Variants in ODAD2 observed in about 807,000 individuals in gnomAD.
ODAD2 encodes the protein outer dynein arm docking complex subunit 2.
Under a neutral mutation model 106.8 loss-of-function variants are expected in ODAD2, and 89 were observed. That is an observed-to-expected ratio of 0.83 (90% confidence interval 0.70 to 0.99). ODAD2 has a LOEUF of 0.99. Among genes scored for constraint, ODAD2 ranks in the 50% least tolerant of loss-of-function variants. The probability of loss-of-function intolerance (pLI) is 0.00; values close to 1 mark genes in which losing one functional copy is unlikely to be tolerated. For missense variants in ODAD2, 1,168 were observed against 1,238.5 expected (o/e 0.94, Z 0.85); for synonymous variants, 404 against 436.2 (o/e 0.93, Z 0.92).
chr10:27,865,581 T>C (rs1000964581), intron 17 of ODAD2, among the ~76,000 whole-genome samples: 5 of 152,194 alleles, frequency 3.3e-5, no homozygotes, highest in African/African-American at 1.2e-4. Flanking sequence ...AGTTGTGGTT[T>C]CTTTGTTTGT....
chr10:27,972,306 T>C (rs1214256688), intron 7 of ODAD2, among the ~76,000 whole-genome samples: 1 of 152,014 alleles, frequency 6.6e-6, no homozygotes, highest in African/African-American at 2.4e-5. Context: ...ACCAATAGCA[T>C]AAATAAAATG....
chr10:27,875,063 CT>C (rs1841221899), intron 17 of ODAD2, among the ~76,000 whole-genome samples: 1 of 152,080 alleles, frequency 6.6e-6, no homozygotes, highest in African/African-American at 2.4e-5. Context: ...TCTTTTTATT[CT>C]TTTTTCTCTA....
intron 17 of ODAD2, among the ~76,000 whole-genome samples, chr10:27,885,656 A>AAAAT (rs1554800209): frequency 9.4e-5 from 2 of 21,304 alleles, no homozygotes; most frequent in Non-Finnish European, 1.1e-4. Flanking sequence ...TATTATATAT[A>AAAAT]ATATATTATA....
chr10:27,848,905 C>T (rs552434465), intron 19 of ODAD2, among the ~76,000 whole-genome samples: 18 of 151,864 alleles, frequency 1.2e-4, no homozygotes, highest in African/African-American at 1.5e-4. Flanking sequence ...GGAAACAACA[C>T]GTGCTGGAGA....
At chr10:27,964,390 C>T (rs527977651) in intron 9 of ODAD2, among the ~76,000 whole-genome samples, 2 of 152,020 alleles carry the variant, frequency 1.3e-5, no homozygotes, top group Non-Finnish European at 2.9e-5. Context: ...ATGATAATAG[C>T]AATTAGTATG....
intron 16 of ODAD2, among the ~76,000 whole-genome samples, chr10:27,923,624 A>C (rs966720917): frequency 2.6e-5 from 4 of 152,102 alleles, no homozygotes; most frequent in African/African-American, 7.2e-5. Flanking sequence ...TAGAGAATAC[A>C]CATCAAACTC....
At chr10:27,843,503 C>A (rs769582792) in intron 19 of ODAD2, among the ~76,000 whole-genome samples, 2 of 152,154 alleles carry the variant, frequency 1.3e-5, no homozygotes, top group African/African-American at 4.8e-5. Context: ...TGGTGGCTCA[C>A]GCCTGTAATT....
intron 19 of ODAD2, among the ~76,000 whole-genome samples, chr10:27,848,133 A>C (rs1252555531): frequency 6.6e-6 from 1 of 152,226 alleles, no homozygotes; most frequent in Non-Finnish European, 1.5e-5. Context: ...AAGCCAAAAG[A>C]ACAAAGCCGG....
intron 16 of ODAD2, among the ~76,000 whole-genome samples, chr10:27,933,437 A>G (rs189603564): frequency 6.6e-6 from 1 of 152,312 alleles, no homozygotes; most frequent in African/African-American, 2.4e-5. Context: ...GGGCCAAGAA[A>G]ACAACATTAT....
intron 19 of ODAD2, among the ~76,000 whole-genome samples, chr10:27,827,726 T>A (rs970705071): frequency 6.6e-6 from 1 of 152,080 alleles, no homozygotes; most frequent in African/African-American, 2.4e-5. Context: ...CCCGTTCCCA[T>A]CCATTCTCAA....
In ODAD2 at chr10:27,944,931, A is replaced by G. The variant is rs763605201; in HGVS notation, c.1418T>C (p.Leu473Ser). 6.2e-7 allele frequency: 1 copy of G among 1,614,166 alleles called. No homozygotes were observed. Among genetic ancestry groups the G allele is most frequent in the Non-Finnish European group, 8.5e-7 (1 of 1,179,998 alleles). The change falls in exon 11 of 20, where the codon TTG becomes TCG. Residue 473 changes from leucine to serine, a missense_variant. Leu to Ser is a moderately radical substitution (Grantham distance 145). This residue lies in a region of ODAD2 where 37 missense variants were observed against 74.1 expected (regional missense o/e 0.50). Transcript: ENST00000305242. ...GGNQTATVIA[L>S]CSMRDFSLAQ... is the part of the protein sequence containing the mutation. Reference sequence around the variant, plus strand: ...TAAGCTGAAATCCCTCATTGAACACAACGCAATCACTGTAGCTGTTTGATT... The same window carrying G: ...TAAGCTGAAATCCCTCATTGAACACGACGCAATCACTGTAGCTGTTTGATT...
At chr10:27,982,086 GTCTC>G (rs1019675852) in intron 6 of ODAD2, among the ~76,000 whole-genome samples, 1 of 151,860 alleles carries the variant, frequency 6.6e-6, no homozygotes, top group Non-Finnish European at 1.5e-5. Flanking sequence ...ACACCCATGT[GTCTC>G]TCTCTCTCTT....
rs145040059 is a variant in ODAD2 at position 27,944,545 on chromosome 10, A to T, written c.1534-114T>A. Reference sequence around the variant, plus strand: ...TTAAGTTTTTTAAGAAATCATTTCCATTCCCAGAGGTTACACACATCTGGC... The same window carrying T: ...TTAAGTTTTTTAAGAAATCATTTCCTTTCCCAGAGGTTACACACATCTGGC... On this transcript the variant is annotated intron_variant, in intron 11 of 19. Transcript: ENST00000305242. 588 of 955,020 alleles carry T rather than the reference A, an allele frequency of 6.2e-4. 6 individuals carry two copies. In the African/African-American group the frequency reaches 8.4e-3, roughly 14 times the overall value. 59.2% of individuals were successfully genotyped at this position (955,020 alleles called of 1,614,324 possible).
At chr10:27,839,515 A>C (rs1195806045) in intron 19 of ODAD2, among the ~76,000 whole-genome samples, 1 of 152,204 alleles carries the variant, frequency 6.6e-6, no homozygotes, top group Non-Finnish European at 1.5e-5. Flanking sequence ...AACAGCCCCA[A>C]ATTGAGGCCT....
intron 12 of ODAD2, among the ~76,000 whole-genome samples, chr10:27,943,118 G>A (rs570693736): frequency 1.3e-5 from 2 of 152,302 alleles, no homozygotes; most frequent in Non-Finnish European, 2.9e-5. Context: ...CTCTGGGTGA[G>A]ACACAAGATC....
chr10:27,935,245 C>A lies in ODAD2; in HGVS notation c.2260G>T (p.Glu754Ter), dbSNP rs200299616. ...ACCAAGGTTTCAATGGCTTTGTATT[C>A]CCGAAACCTAAGTTCATCATAAGAA... The part of the protein sequence containing the change: ...ISKENVTKFR[E>*]YKAIETLVGL... The change falls in exon 16 of 20, where the codon GAA becomes TAA. Residue 754 changes from glutamate to a stop codon, truncating the protein, a stop_gained. Coordinates refer to ENST00000305242, the MANE Select transcript of ODAD2 (RefSeq NM_018076.5). LOFTEE classifies it high-confidence loss of function. The A allele has an allele frequency of 6.2e-7, 1 of 1,613,644 alleles. No individual in the cohort carries two copies. The highest frequency in any genetic ancestry group is 8.5e-7 in the Non-Finnish European group (1 of 1,179,702).
intron 10 of ODAD2, among the ~76,000 whole-genome samples, chr10:27,953,875 C>T (rs2132737813): frequency 6.6e-6 from 1 of 152,296 alleles, no homozygotes; most frequent in African/African-American, 2.4e-5. Context: ...CCACGTGCTT[C>T]TGCTATGTCC....
At chr10:27,852,400 A>AT (rs1221071728) in intron 19 of ODAD2, among the ~76,000 whole-genome samples, 1 of 152,244 alleles carries the variant, frequency 6.6e-6, no homozygotes, top group Non-Finnish European at 1.5e-5. Flanking sequence ...GGGAGGGCAA[A>AT]AATGGAAGCA....
At chr10:27,826,102 T>A (rs1019022837) in intron 19 of ODAD2, among the ~76,000 whole-genome samples, 1 of 152,144 alleles carries the variant, frequency 6.6e-6, no homozygotes, top group African/African-American at 2.4e-5. Flanking sequence ...CATCTCTGCC[T>A]CTCGTTGCTG....
Sources: gnomAD v4.1 joint callset for allele counts (sites outside exome capture counted in the v4.1 genomes callset) on GRCh38, gnomAD v4.1.1 for gene constraint, gnomAD v4.1.1 regional missense constraint, MANE v1.5 for transcripts, NCBI Gene and HGNC (gene_info 2026-07-23, HGNC 2026-07-21) for gene names.